MTSS1: variants seen among roughly 807,000 people sequenced by gnomAD.
The protein encoded by MTSS1 is protein MTSS 1.
MTSS1 carries 18 observed loss-of-function variants against 79.0 expected under a neutral mutation model. The observed-to-expected ratio is 0.23, with a 90% CI of 0.16 to 0.34. MTSS1 has a LOEUF of 0.34. Ranked by LOEUF, MTSS1 falls within the 10% of genes least tolerant of loss-of-function variation. The pLI, the probability that MTSS1 is intolerant of heterozygous loss-of-function variation, is 1.00. For missense variants in MTSS1, 815 were observed against 986.2 expected, an observed-to-expected ratio of 0.83 and a Z score of 2.33; for synonymous variants, 341 against 368.6, an observed-to-expected ratio of 0.93 and a Z score of 0.86.
chr8:124,569,982 T>G (rs1827393925), intron 6 of MTSS1, among the ~76,000 whole-genome samples: 1 of 152,184 alleles, frequency 6.6e-6, no homozygotes, highest in South Asian at 2.1e-4. Flanking sequence ...GAACATTAAA[T>G]GCAATGAACC....
intron 3 of MTSS1, chr8:124,619,544 A>T (rs1391409751): frequency 6.6e-6 from 1 of 152,320 alleles, no homozygotes; most frequent in Admixed American, 6.5e-5. Context: ...CACTCAAAAA[A>T]TACCGCTGAA....
At chr8:124,645,286 G>A (rs796525339) in intron 3 of MTSS1, among the ~76,000 whole-genome samples, 46 of 152,228 alleles carry the variant, frequency 3.0e-4, no homozygotes, top group African/African-American at 7.9e-4. Context: ...GTAGCTACTC[G>A]GGAGGCTGAG....
At chr8:124,634,697 G>A (rs1280616872) in intron 3 of MTSS1, among the ~76,000 whole-genome samples, 1 of 139,916 alleles carries the variant, frequency 7.1e-6, no homozygotes, top group African/African-American at 2.9e-5. Context: ...TTTCCCTCTT[G>A]TAGCTTCAAA....
intron 3 of MTSS1, among the ~76,000 whole-genome samples, chr8:124,639,707 G>A (rs1409717699): frequency 6.6e-6 from 1 of 152,064 alleles, no homozygotes; most frequent in Non-Finnish European, 1.5e-5. Context: ...CAAGTGATCT[G>A]CCTGCTTCGA....
At chr8:124,580,591 G>A (rs1425990826) in intron 6 of MTSS1, 1 of 1,535,500 alleles carries the variant, frequency 6.5e-7, no homozygotes, top group Non-Finnish European at 8.7e-7. Flanking sequence ...GTGAGAAAGT[G>A]CAGGATACAC....
In MTSS1 at chr8:124,556,269, T is replaced by C; in HGVS notation, c.1367A>G (p.Gln456Arg). ...CGATACAGTCATGCTCCGTGGTCTC[T>C]GAGCCTCCTCAGCTGCTGCAGGTGG... ...SGPPAAAEEA[Q>R]RPRSMTVSAA... The change falls in exon 12 of 14, where the codon CAG becomes CGG. Residue 456 changes from glutamine (Q) to arginine (R), a missense_variant. Coordinates refer to ENST00000518547, the MANE Select transcript of MTSS1 (RefSeq NM_014751.6). 1 of 1,614,232 alleles carries C rather than the reference T, an allele frequency of 6.2e-7. No individual in the cohort carries two copies. Among genetic ancestry groups the C allele is most frequent in the Non-Finnish European group, 8.5e-7 (1 of 1,180,036 alleles).
At chr8:124,645,448 T>A (rs1818835362) in intron 3 of MTSS1, among the ~76,000 whole-genome samples, 1 of 152,140 alleles carries the variant, frequency 6.6e-6, no homozygotes, top group Non-Finnish European at 1.5e-5. Flanking sequence ...CCAATGAATG[T>A]TGGGTGGCTA....
chr8:124,574,316 C>T (rs1463656824), intron 6 of MTSS1, among the ~76,000 whole-genome samples: 1 of 150,442 alleles, frequency 6.6e-6, no homozygotes, highest in Non-Finnish European at 1.5e-5. Flanking sequence ...CCTGTATCAA[C>T]TTCAACACTT....
At position 124,607,633 on chromosome 8, in the gene MTSS1, C is replaced by T. The variant is rs187796547; in HGVS notation, c.209-16398G>A. Among the ~76,000 whole-genome samples, 260 of 152,240 alleles carry T rather than the reference C, an allele frequency of 1.7e-3. 1 individual carries two copies. The highest frequency in any genetic ancestry group is 5.8e-3 in the African/African-American group (242 of 41,534). ...TGAGTCCCTACAAGCTAGACAAGCC[C>T]GAGCCTCCCAGCCTCCATCTATTCA... On this transcript the variant is annotated intron_variant, in intron 3 of 13. Coordinates refer to ENST00000518547, the MANE Select transcript of MTSS1 (RefSeq NM_014751.6).
intron 3 of MTSS1, among the ~76,000 whole-genome samples, chr8:124,695,011 T>G (rs116769316): frequency 3.1e-5 from 4 of 130,514 alleles, no homozygotes; most frequent in African/African-American, 1.0e-4. Context: ...TTATACACTT[T>G]CATTTAAAAA....
chr8:124,675,698 C>G (rs1825157878), intron 3 of MTSS1, among the ~76,000 whole-genome samples: 1 of 152,176 alleles, frequency 6.6e-6, no homozygotes, highest in Admixed American at 6.5e-5. Flanking sequence ...AAACTGCTTC[C>G]TATCTCTATG....
intron 1 of MTSS1, among the ~76,000 whole-genome samples, chr8:124,710,854 C>G (rs1831061376): frequency 6.6e-6 from 1 of 152,134 alleles, no homozygotes; most frequent in Non-Finnish European, 1.5e-5. Flanking sequence ...TTGGGAGGAG[C>G]CACAGAGCTG....
At chr8:124,567,530 A>G in intron 7 of MTSS1, 1 of 1,139,972 alleles carries the variant, frequency 8.8e-7, no homozygotes, top group South Asian at 2.1e-5. Flanking sequence ...CCTTTTCTGA[A>G]GTTGCTTAGC....
intron 3 of MTSS1, among the ~76,000 whole-genome samples, chr8:124,689,300 C>T (rs990616447): frequency 6.6e-6 from 1 of 151,906 alleles, no homozygotes; most frequent in African/African-American, 2.4e-5. Flanking sequence ...CAAACAGACC[C>T]GTCCTAGAAA....
chr8:124,658,774 C>T (rs919207084), intron 3 of MTSS1, among the ~76,000 whole-genome samples: 1 of 152,148 alleles, frequency 6.6e-6, no homozygotes, highest in East Asian at 1.9e-4. Flanking sequence ...AAATCCACCC[C>T]CACAGTCCAA....
intron 1 of MTSS1, among the ~76,000 whole-genome samples, chr8:124,715,056 T>C (rs1587956428): frequency 6.6e-6 from 1 of 152,244 alleles, no homozygotes; most frequent in Non-Finnish European, 1.5e-5. Context: ...TTGCACACCC[T>C]ATGAAATGTT....
At position 124,599,426 on chromosome 8, in the gene MTSS1, T is replaced by C. The variant is rs1185165771; in HGVS notation, c.209-8191A>G. ...TGAACCCGGGAGGCAGAGGTTGCAG[T>C]GAGCCAAGATCACGCCACTGCACTC... On this transcript the variant is annotated intron_variant, in intron 3 of 13. Transcript: ENST00000518547. Among the ~76,000 whole-genome samples the C allele has an allele frequency of 4.4e-5, 6 of 137,232 alleles. No individual in the cohort carries two copies. The East Asian group carries it at 1.3e-3, about 29-fold the overall frequency. 90.0% of individuals were successfully genotyped at this position (137,232 alleles called of 152,430 possible).
At chr8:124,719,729 T>C (rs1022084378) in intron 1 of MTSS1, among the ~76,000 whole-genome samples, 2 of 152,258 alleles carry the variant, frequency 1.3e-5, no homozygotes, top group African/African-American at 4.8e-5. Context: ...AGGTTGCTTC[T>C]ATTCTTTGAA....
chr8:124,589,930 C>T (rs1831547924), intron 4 of MTSS1, among the ~76,000 whole-genome samples: 1 of 152,146 alleles, frequency 6.6e-6, no homozygotes, highest in African/African-American at 2.4e-5. Flanking sequence ...GATCTCGGCT[C>T]ACTGCAACCA....
Sources: gnomAD v4.1 joint callset for allele counts (sites outside exome capture counted in the v4.1 genomes callset) on GRCh38, gnomAD v4.1.1 for gene constraint, MANE v1.5 for transcripts, NCBI Gene and HGNC (gene_info 2026-07-23, HGNC 2026-07-21) for gene names.